ITPK1: variants seen among roughly 807,000 people sequenced by gnomAD.
The protein encoded by ITPK1 is inositol-tetrakisphosphate 1-kinase, also known as inositol 1,3,4-trisphosphate 5/6-kinase.
In ITPK1, 21 loss-of-function variants were observed where a neutral mutation model predicts 45.3. That is an observed-to-expected ratio of 0.46 (90% CI 0.33 to 0.67). The LOEUF is 0.67. ITPK1 is among the 30% of genes least tolerant of loss of function. The pLI is 0.02. For missense variants in ITPK1, 474 were observed against 573.5 expected, an observed-to-expected ratio of 0.83 and a Z score of 1.77; for synonymous variants, 258 against 253.6, an observed-to-expected ratio of 1.02 and a Z score of -0.16.
intron 5 of ITPK1, among the ~76,000 whole-genome samples, chr14:92,975,989 T>A (rs1459081548): frequency 6.6e-6 from 1 of 152,194 alleles, no homozygotes; most frequent in Non-Finnish European, 1.5e-5. Flanking sequence ...ATTCTGCACT[T>A]CTCCTTGCTG....
At chr14:93,107,951 G>A (rs184755036) in intron 2 of ITPK1, among the ~76,000 whole-genome samples, 4 of 152,344 alleles carry the variant, frequency 2.6e-5, no homozygotes, top group South Asian at 2.1e-4. Context: ...AATACACACC[G>A]TGGGCCGCAG....
At chr14:92,943,842 C>T (rs557664586) in intron 10 of ITPK1, among the ~76,000 whole-genome samples, 7 of 152,356 alleles carry the variant, frequency 4.6e-5, no homozygotes, top group South Asian at 2.1e-4. Flanking sequence ...AACACTGAGA[C>T]TTAAACGTTA....
intron 4 of ITPK1, among the ~76,000 whole-genome samples, chr14:93,007,199 C>G (rs1887659122): frequency 6.6e-6 from 1 of 152,230 alleles, no homozygotes; most frequent in African/African-American, 2.4e-5. Context: ...CCCCACGCCC[C>G]CTAAGCACCT....
intron 3 of ITPK1, among the ~76,000 whole-genome samples, chr14:93,066,804 G>A (rs967251762): frequency 3.9e-5 from 6 of 152,150 alleles, no homozygotes; most frequent in African/African-American, 1.2e-4. Context: ...ACTCAGGGAC[G>A]CTTCCTGGTC....
intron 2 of ITPK1, among the ~76,000 whole-genome samples, chr14:93,107,900 G>A (rs988885569): frequency 1.3e-5 from 2 of 152,224 alleles, no homozygotes; most frequent in Non-Finnish European, 2.9e-5. Flanking sequence ...CGAAGCCCCA[G>A]AAAGACTCAA....
intron 3 of ITPK1, among the ~76,000 whole-genome samples, chr14:93,018,111 G>C (rs933304814): frequency 1.3e-5 from 2 of 152,146 alleles, no homozygotes; most frequent in African/African-American, 4.8e-5. Flanking sequence ...TGGCTGCCTT[G>C]TCCTCTGGCC....
chr14:93,101,224 C>T (rs865893010), intron 2 of ITPK1, among the ~76,000 whole-genome samples: 22 of 152,226 alleles, frequency 1.4e-4, no homozygotes, highest in African/African-American at 5.1e-4. Context: ...CAAAGCTCTA[C>T]ATGTGTGACC....
intron 5 of ITPK1, among the ~76,000 whole-genome samples, chr14:92,968,293 T>C (rs113984800): frequency 0.012 from 1,885 of 152,004 alleles, 23 homozygotes; most frequent in Non-Finnish European, 0.021. Context: ...ATCGCGTCAC[T>C]GCACTCCAGC....
At chr14:93,052,536 C>T (rs10135559) in intron 3 of ITPK1, among the ~76,000 whole-genome samples, 93,357 of 151,996 alleles carry the variant, frequency 0.61, 29,434 homozygotes, top group African/African-American at 0.77. Flanking sequence ...GGGGCCTTAT[C>T]TGTCCTTCTG....
Position 93,016,507 on chromosome 14 carries a change from G to A in ITPK1, c.246+169C>T, listed in dbSNP as rs1013136371. 1.3e-4 allele frequency among the ~76,000 whole-genome samples: 20 copies of A among 152,134 alleles called. No individual in the cohort carries two copies. Among genetic ancestry groups the A allele is most frequent in the Admixed American group, 5.9e-4 (9 of 15,270 alleles). On this transcript the variant is annotated intron_variant, in intron 4 of 10. Transcript: ENST00000267615. The surrounding 1 kb of genome is among the most constrained non-coding windows in gnomAD (Gnocchi z 5.0). ...CGCTACACCCGAGGACACTGACGCCGCACAGAAGTACCTGCCCACGAGCCC... is the reference window on the plus strand; with the variant it reads ...CGCTACACCCGAGGACACTGACGCCACACAGAAGTACCTGCCCACGAGCCC...
chr14:92,950,505 G>A (rs912047675), intron 9 of ITPK1, among the ~76,000 whole-genome samples: 1 of 152,252 alleles, frequency 6.6e-6, no homozygotes, highest in African/African-American at 2.4e-5. Flanking sequence ...AGGGAAGGAG[G>A]AGGTGACTGC....
At chr14:93,021,874 T>C (rs1457109986) in intron 3 of ITPK1, among the ~76,000 whole-genome samples, 1 of 151,966 alleles carries the variant, frequency 6.6e-6, no homozygotes, top group Non-Finnish European at 1.5e-5. Flanking sequence ...CTGTTGAAAA[T>C]GCTCTCTGAC....
At chr14:92,963,998 G>A (rs1027996755) in intron 5 of ITPK1, among the ~76,000 whole-genome samples, 1 of 152,192 alleles carries the variant, frequency 6.6e-6, no homozygotes, top group African/African-American at 2.4e-5. Flanking sequence ...CTAGCTACTT[G>A]GCTGGCTAGG....
At chr14:93,040,436 C>T (rs961938577) in intron 3 of ITPK1, among the ~76,000 whole-genome samples, 13 of 152,144 alleles carry the variant, frequency 8.5e-5, no homozygotes, top group African/African-American at 3.1e-4. Context: ...CCTGCAGAGG[C>T]CCTCACCACC....
chr14:93,111,637 G>GGAGGCGGAGGTTGCAGT (rs1566792063), intron 2 of ITPK1, among the ~76,000 whole-genome samples: 1 of 151,684 alleles, frequency 6.6e-6, no homozygotes, highest in Non-Finnish European at 1.5e-5. Context: ...CTTGAACCTG[G>GGAGGCGGAGGTTGCAGT]GAGGCGGAGG....
rs559626766 is a variant in ITPK1 at position 92,995,298 on chromosome 14, C to T, written c.247-1301G>A. On this transcript the variant is annotated intron_variant, in intron 4 of 10. Coordinates refer to ENST00000267615, the MANE Select transcript of ITPK1 (RefSeq NM_014216.6). ...CCCTCTGCTCACCCACTCCACAGCC[C>T]GTCAGTGAGGCCTGCACAGGCTGGG... Among the ~76,000 whole-genome samples the T allele has an allele frequency of 2.0e-5, 3 of 152,348 alleles. No individual in the cohort carries two copies. The East Asian group carries it at 5.8e-4, about 29-fold the overall frequency.
At position 93,034,652 on chromosome 14, in the gene ITPK1, T is replaced by C. The variant is rs997104785; in HGVS notation, c.121-17851A>G. 6.6e-6 allele frequency among the ~76,000 whole-genome samples: 1 copy of C among 152,232 alleles called. No homozygotes were observed. ...TGGGGACTCAGTGAAAGCCTATGGCTAAGTGGGCACATAATGACCCACCAA... is the reference window on the plus strand; with the variant it reads ...TGGGGACTCAGTGAAAGCCTATGGCCAAGTGGGCACATAATGACCCACCAA... On this transcript the variant is annotated intron_variant, in intron 3 of 10. Coordinates refer to ENST00000267615, the MANE Select transcript of ITPK1 (RefSeq NM_014216.6). This position sits in a 1 kb window ranked among gnomAD's most constrained non-coding sequence, Gnocchi z 4.1.
At position 92,940,200 on chromosome 14, in the gene ITPK1, C is replaced by A; in HGVS notation, c.*1361G>T. On this transcript the variant is annotated 3_prime_UTR_variant, in exon 11 of 11. Coordinates refer to ENST00000267615, the MANE Select transcript of ITPK1 (RefSeq NM_014216.6). ...CAGCACTTTCTCTAGCGTCCTCCAT[C>A]TCACTGGGCAGAGGACAGCCCGGAA... 1.0e-6 allele frequency: 1 copy of A among 985,934 alleles called. No individual in the cohort carries two copies. The highest frequency in any genetic ancestry group is 1.2e-6 in the Non-Finnish European group (1 of 830,286). The allele number at this position is 985,934 out of a possible 1,614,324, so 61.1% of individuals were successfully genotyped here. A position where few individuals can be genotyped will look rare whatever the true frequency, so the allele number is the denominator to read the frequency against.
chr14:92,965,939 G>A (rs968621146), intron 5 of ITPK1, among the ~76,000 whole-genome samples: 1 of 152,354 alleles, frequency 6.6e-6, no homozygotes, highest in African/African-American at 2.4e-5. Context: ...GGAGGTGGAG[G>A]TTGACGTGAG....
Sources: gnomAD v4.1 joint callset for allele counts (sites outside exome capture counted in the v4.1 genomes callset) on GRCh38, gnomAD v4.1.1 for gene constraint, Gnocchi (gnomAD v3.1) non-coding constraint, MANE v1.5 for transcripts, NCBI Gene and HGNC (gene_info 2026-07-23, HGNC 2026-07-21) for gene names.